Variants in LIPI observed in about 807,000 individuals in gnomAD.
LIPI encodes lipase member I.
LIPI carries 59 observed loss-of-function variants against 50.6 expected under a neutral mutation model. The observed-to-expected ratio is 1.16, with a 90% CI of 0.94 to 1.45. The LOEUF (loss-of-function observed/expected upper bound fraction) is 1.45. Ranked by LOEUF, LIPI falls within the 40% of genes most tolerant of loss-of-function variation. The probability of loss-of-function intolerance (pLI) is 0.00; values close to 1 mark genes in which losing one functional copy is unlikely to be tolerated. For synonymous variants in LIPI, 203 were observed against 178.2 expected (o/e 1.14, Z -1.11); for missense variants, 586 against 536.3 (o/e 1.09, Z -0.92).
intron 4 of LIPI, among the ~76,000 whole-genome samples, chr21:14,173,016 A>G (rs1333011017): frequency 6.6e-6 from 1 of 152,240 alleles, no homozygotes; most frequent in Non-Finnish European, 1.5e-5. Context: ...AAGTAGAACA[A>G]GAGGACAGGA....
intron 7 of LIPI, among the ~76,000 whole-genome samples, chr21:14,157,491 A>G (rs1449022639): frequency 6.6e-6 from 1 of 151,926 alleles, no homozygotes; most frequent in Non-Finnish European, 1.5e-5. Flanking sequence ...ACTCTCTGTG[A>G]CATATACGGA....
chr21:14,136,937 C>G (rs759031048), intron 9 of LIPI, among the ~76,000 whole-genome samples: 1 of 152,080 alleles, frequency 6.6e-6, no homozygotes, highest in East Asian at 1.9e-4. Context: ...GCTGGTAATC[C>G]AGATAATTCT....
chr21:14,167,856 C>T (rs1463018618), intron 4 of LIPI, among the ~76,000 whole-genome samples: 3 of 152,242 alleles, frequency 2.0e-5, no homozygotes, highest in African/African-American at 7.2e-5. Context: ...TGGAACAAAG[C>T]TGGCTGGAGA....
chr21:14,203,224 A>G (rs2020121116), intron 1 of LIPI, among the ~76,000 whole-genome samples: 1 of 152,032 alleles, frequency 6.6e-6, no homozygotes, highest in Non-Finnish European at 1.5e-5. Flanking sequence ...GAACACTTTT[A>G]CACTGTTGGT....
At chr21:14,134,083 TAGTC>T (rs1269510420) in intron 9 of LIPI, among the ~76,000 whole-genome samples, 3 of 151,690 alleles carry the variant, frequency 2.0e-5, no homozygotes, top group Admixed American at 6.6e-5. Context: ...TTAAAAAAAA[TAGTC>T]AGGCATGGTG....
chr21:14,156,585 T>A (rs2123113195), intron 7 of LIPI, among the ~76,000 whole-genome samples: 1 of 152,096 alleles, frequency 6.6e-6, no homozygotes, highest in African/African-American at 2.4e-5. Flanking sequence ...ATATTTGTGT[T>A]GTTTTAAGCC....
intron 9 of LIPI, among the ~76,000 whole-genome samples, chr21:14,111,065 C>T (rs1302477768): frequency 6.6e-6 from 1 of 151,598 alleles, no homozygotes; most frequent in Non-Finnish European, 1.5e-5. Context: ...GCAGATATCT[C>T]TTCAACATAC....
At chr21:14,118,557 G>A (rs534003043) in intron 9 of LIPI, among the ~76,000 whole-genome samples, 5 of 152,262 alleles carry the variant, frequency 3.3e-5, no homozygotes, top group African/African-American at 1.2e-4. Context: ...AGGACCTTAA[G>A]CCTAAGGCAA....
At chr21:14,169,224 T>A (rs1322227963) in intron 4 of LIPI, among the ~76,000 whole-genome samples, 1 of 151,942 alleles carries the variant, frequency 6.6e-6, no homozygotes, top group Non-Finnish European at 1.5e-5. Flanking sequence ...AAGTCCTGAG[T>A]GACCTACAAA....
At chr21:14,197,468 T>A (rs1341854587) in intron 1 of LIPI, among the ~76,000 whole-genome samples, 2 of 152,062 alleles carry the variant, frequency 1.3e-5, no homozygotes, top group African/African-American at 2.4e-5. Context: ...AAGAATTTCA[T>A]AATGCAATCA....
At chr21:14,182,357 TAAGAA>T (rs1473551724) in intron 3 of LIPI, among the ~76,000 whole-genome samples, 7 of 152,060 alleles carry the variant, frequency 4.6e-5, no homozygotes, top group African/African-American at 1.7e-4. Flanking sequence ...CACACACTCT[TAAGAA>T]AAGAAAAAAT....
At chr21:14,168,597 T>G (rs1389590470) in intron 4 of LIPI, among the ~76,000 whole-genome samples, 6 of 152,184 alleles carry the variant, frequency 3.9e-5, no homozygotes, top group African/African-American at 1.4e-4. Flanking sequence ...ACCCAGAATT[T>G]CATATCCAGC....
chr21:14,137,872 A>G (rs191301325), intron 9 of LIPI, among the ~76,000 whole-genome samples: 3 of 152,314 alleles, frequency 2.0e-5, no homozygotes, highest in Admixed American at 2.0e-4. Flanking sequence ...AAAAGAAACA[A>G]ATAAAATGTT....
chr21:14,164,336 A>G (rs939310531), intron 6 of LIPI, among the ~76,000 whole-genome samples: 1 of 152,154 alleles, frequency 6.6e-6, no homozygotes, highest in Non-Finnish European at 1.5e-5. Context: ...AAAGCAATCC[A>G]CAACAGGAGG....
chr21:14,114,773 A>G (rs2016558563), intron 9 of LIPI, among the ~76,000 whole-genome samples: 1 of 152,244 alleles, frequency 6.6e-6, no homozygotes, highest in African/African-American at 2.4e-5. Context: ...AAGAAAGCCA[A>G]CAAACTTCAA....
At chr21:14,112,527 A>C (rs868494014) in intron 9 of LIPI, among the ~76,000 whole-genome samples, 2 of 151,998 alleles carry the variant, frequency 1.3e-5, no homozygotes, top group African/African-American at 4.8e-5. Context: ...AATGTTTTAC[A>C]GTTTTCTGTG....
At chr21:14,194,774 C>T (rs182578710) in intron 1 of LIPI, among the ~76,000 whole-genome samples, 1 of 152,218 alleles carries the variant, frequency 6.6e-6, no homozygotes, top group East Asian at 1.9e-4. Flanking sequence ...GCAGTTAATG[C>T]CACTAACCTA....
At chr21:14,139,654 C>G (rs73162693) in intron 9 of LIPI, among the ~76,000 whole-genome samples, 1 of 151,978 alleles carries the variant, frequency 6.6e-6, no homozygotes, top group African/African-American at 2.4e-5. Flanking sequence ...ATAACTCCTA[C>G]GAGAACAACA....
rs1167291620 is a variant in LIPI, at chr21:14,170,893, G to C, written c.644-4442C>G. ...AATTAGGCAGGAGAAGGAAATAAAG[G>C]GTATTCAATTAGGAAAAGAGAAAGT... is the stretch of plus-strand genomic sequence containing the variant. On this transcript the variant is annotated intron_variant, in intron 4 of 9. Coordinates refer to ENST00000681601, the MANE Select transcript of LIPI (RefSeq NM_001302998.2). Among the ~76,000 whole-genome samples, 9 of 151,634 alleles carry C rather than the reference G, an allele frequency of 5.9e-5. No homozygotes were observed. The East Asian group carries it at 1.7e-3, about 29-fold the overall frequency.
Sources: gnomAD v4.1 joint callset for allele counts (sites outside exome capture counted in the v4.1 genomes callset) on GRCh38, gnomAD v4.1.1 for gene constraint, MANE v1.5 for transcripts, NCBI Gene and HGNC (gene_info 2026-07-23, HGNC 2026-07-21) for gene names.